The following ARPP21 variants were observed in gnomAD, a reference collection of about 807,000 sequenced individuals.
The protein encoded by ARPP21 is cAMP-regulated phosphoprotein 21.
In ARPP21, 69 loss-of-function variants were observed where a neutral mutation model predicts 113.2. The observed-to-expected ratio is 0.61, with a 90% CI of 0.50 to 0.74. The LOEUF is 0.74. Ranked by LOEUF, ARPP21 falls within the 30% of genes least tolerant of loss-of-function variation. The pLI is 0.00. For synonymous variants in ARPP21, 368 were observed against 375.5 expected (o/e 0.98, Z 0.23); for missense variants, 1,070 against 1,037.4 (o/e 1.03, Z -0.43).
In ARPP21 at chr3:35,681,984, G is replaced by A; in HGVS notation, c.129+104G>A. 1.5e-6 allele frequency: 2 copies of A among 1,301,922 alleles called. 1 individual carries two copies. Among genetic ancestry groups the A allele is most frequent in the Middle Eastern group, 4.4e-4 (2 of 4,546 alleles). 80.6% of individuals were successfully genotyped at this position (1,301,922 alleles called of 1,614,324 possible). ...ATTTATTTTTTAAAGAGTTTCACTGGTTATATCATTAGGAAATGCTAGTCT... is the reference window on the plus strand; with the variant it reads ...ATTTATTTTTTAAAGAGTTTCACTGATTATATCATTAGGAAATGCTAGTCT... On this transcript the variant is annotated intron_variant, in intron 3 of 20. Coordinates refer to ENST00000684406, the MANE Select transcript of ARPP21 (RefSeq NM_001385562.1).
At chr3:35,671,691 A>G (rs2076384005) in intron 1 of ARPP21, among the ~76,000 whole-genome samples, 1 of 152,106 alleles carries the variant, frequency 6.6e-6, no homozygotes, top group Non-Finnish European at 1.5e-5. Flanking sequence ...AAGGGGAAAA[A>G]TGACAGTTCG....
chr3:35,667,307 C>G (rs1242978015), intron 1 of ARPP21, among the ~76,000 whole-genome samples: 1 of 152,096 alleles, frequency 6.6e-6, no homozygotes, highest in Admixed American at 6.5e-5. Context: ...ATTTAGCAAT[C>G]TGATTTGTGG....
In ARPP21 at chr3:35,738,083, C is replaced by T. The variant is rs559796201; in HGVS notation, c.1645-131C>T. ...TCTGGTCTTTCAGAGCCTTGACTTT[C>T]CTTTGGTGGCTAGTTCCCCTCTCTG... is the stretch of plus-strand genomic sequence containing the variant. On this transcript the variant is annotated intron_variant, in intron 16 of 20. Coordinates refer to ENST00000684406, the MANE Select transcript of ARPP21 (RefSeq NM_001385562.1). 108 of 594,834 alleles carry T rather than the reference C, an allele frequency of 1.8e-4. 1 individual carries two copies. In the South Asian group the frequency reaches 2.3e-3, roughly 13 times the overall value. 36.8% of individuals were successfully genotyped at this position (594,834 alleles called of 1,614,324 possible).
At chr3:35,650,208 G>T (rs996615622) in intron 1 of ARPP21, 7 of 152,120 alleles carry the variant, frequency 4.6e-5, no homozygotes, top group African/African-American at 1.4e-4. Flanking sequence ...GAACTTCCAT[G>T]GAAGCCAAGT....
At chr3:35,751,482 C>T (rs2095402956) in intron 19 of ARPP21, among the ~76,000 whole-genome samples, 1 of 152,074 alleles carries the variant, frequency 6.6e-6, no homozygotes, top group South Asian at 2.1e-4. Flanking sequence ...GTAAGCGATA[C>T]TCCAATCTGC....
intron 2 of ARPP21, among the ~76,000 whole-genome samples, chr3:35,680,452 A>G (rs866834447): frequency 6.6e-6 from 1 of 151,918 alleles, no homozygotes; most frequent in African/African-American, 2.4e-5. Flanking sequence ...TATTTTAAAG[A>G]TATCATTAGA....
intron 19 of ARPP21, among the ~76,000 whole-genome samples, chr3:35,769,348 A>T (rs2096110165): frequency 6.6e-6 from 1 of 152,164 alleles, no homozygotes; most frequent in Non-Finnish European, 1.5e-5. Context: ...CACCTATGTT[A>T]CTGTAACATA....
At chr3:35,696,272 T>G (rs2083992345) in intron 9 of ARPP21, among the ~76,000 whole-genome samples, 1 of 151,604 alleles carries the variant, frequency 6.6e-6, no homozygotes, top group African/African-American at 2.4e-5. Context: ...AAATAATATT[T>G]GTGTTCATTT....
At chr3:35,645,731 C>T (rs1699961200) in intron 1 of ARPP21, among the ~76,000 whole-genome samples, 2 of 151,842 alleles carry the variant, frequency 1.3e-5, no homozygotes, top group Admixed American at 1.3e-4. Flanking sequence ...ACACTAAATA[C>T]TTGAGATAAG....
At chr3:35,702,653 G>T (rs1176293508) in intron 9 of ARPP21, among the ~76,000 whole-genome samples, 4 of 151,680 alleles carry the variant, frequency 2.6e-5, no homozygotes, top group Non-Finnish European at 5.9e-5. Flanking sequence ...TTTTGCAAGG[G>T]TGTTTCAAAA....
intron 13 of ARPP21, among the ~76,000 whole-genome samples, chr3:35,720,446 C>A (rs938275797): frequency 6.6e-6 from 1 of 152,146 alleles, no homozygotes; most frequent in Non-Finnish European, 1.5e-5. Flanking sequence ...TCAAACATCT[C>A]AACAGTACAT....
intron 1 of ARPP21, among the ~76,000 whole-genome samples, chr3:35,668,504 A>G (rs2075514584): frequency 6.6e-6 from 1 of 152,158 alleles, no homozygotes; most frequent in South Asian, 2.1e-4. Context: ...TGGTCAGGCC[A>G]CAGAGTTGCC....
At chr3:35,702,380 T>C (rs1484992197) in intron 9 of ARPP21, among the ~76,000 whole-genome samples, 1 of 151,806 alleles carries the variant, frequency 6.6e-6, no homozygotes, top group Non-Finnish European at 1.5e-5. Flanking sequence ...TTTCTTTGGA[T>C]TCATTATTAG....
At chr3:35,658,362 T>C (rs915439430) in intron 1 of ARPP21, among the ~76,000 whole-genome samples, 11 of 152,080 alleles carry the variant, frequency 7.2e-5, no homozygotes, top group African/African-American at 2.7e-4. Context: ...TTAAAAACAC[T>C]ATGTGTAAAG....
intron 5 of ARPP21, chr3:35,685,616 G>A: frequency 3.0e-6 from 3 of 985,162 alleles, no homozygotes; most frequent in Non-Finnish European, 3.6e-6. Context: ...TTGGAAAACT[G>A]CCTTCATTTT....
chr3:35,764,543 A>C (rs1225811263), intron 19 of ARPP21, among the ~76,000 whole-genome samples: 1 of 152,076 alleles, frequency 6.6e-6, no homozygotes, highest in Non-Finnish European at 1.5e-5. Context: ...TCCCGAGGTG[A>C]GATACTGATT....
chr3:35,793,882 C>T lies in ARPP21; in HGVS notation c.2468C>T (p.Thr823Ile). Residue 823 changes from threonine (T) to isoleucine (I), a missense_variant, in exon 21 of 21, where the codon ACT becomes ATT. Coordinates refer to ENST00000684406, the MANE Select transcript of ARPP21 (RefSeq NM_001385562.1). ...RLIGPHCPSS[T>I]VPVMSASCRT... ...ATTGGCCCACACTGCCCCTCCAGCA[C>T]TGTCCCAGTGATGTCAGCTAGCTGC... 1 of 1,614,142 alleles carries T rather than the reference C, an allele frequency of 6.2e-7. No individual in the cohort carries two copies. The highest frequency in any genetic ancestry group is 8.5e-7 in the Non-Finnish European group (1 of 1,179,968).
intron 1 of ARPP21, among the ~76,000 whole-genome samples, chr3:35,657,168 T>C (rs1374106079): frequency 6.6e-6 from 1 of 152,118 alleles, no homozygotes; most frequent in East Asian, 1.9e-4. Flanking sequence ...TGGACACGTT[T>C]ATTCCTCTCA....
intron 1 of ARPP21, among the ~76,000 whole-genome samples, chr3:35,644,165 C>G (rs1699278681): frequency 6.6e-6 from 1 of 151,832 alleles, no homozygotes. Context: ...CAAGATGTAT[C>G]TGTAACTAGA....
Sources: allele counts gnomAD v4.1 joint callset (sites outside exome capture counted in the v4.1 genomes callset), GRCh38; gene constraint gnomAD v4.1.1; transcripts MANE v1.5; gene names NCBI Gene and HGNC (gene_info 2026-07-23, HGNC 2026-07-21).